DMKN: variants seen among roughly 807,000 people sequenced by gnomAD.
The protein encoded by DMKN is dermokine.
Under a neutral mutation model 67.6 loss-of-function variants are expected in DMKN, and 58 were observed. The ratio of observed to expected loss-of-function variants is 0.86; its 90% CI spans 0.69 to 1.07. DMKN has a LOEUF of 1.07. DMKN is among the 50% of genes least tolerant of loss of function. The pLI, the probability that DMKN is intolerant of heterozygous loss-of-function variation, is 0.00. For synonymous variants in DMKN, 240 were observed against 232.3 expected (o/e 1.03, Z -0.30); for missense variants, 596 against 601.5 (o/e 0.99, Z 0.10).
Position 35,506,566 on chromosome 19 carries a change from A to G in DMKN, c.1039-580T>C, listed in dbSNP as rs1420929010. ...TCCACAACACCTTGGTCTGGTGGTG[A>G]CATGGAAAGCTGTACAGTAACTGAA... On this transcript the variant is annotated intron_variant, in intron 7 of 15. Transcript: ENST00000339686. 1.3e-5 allele frequency: 6 copies of G among 476,396 alleles called. No individual in the cohort carries two copies. In the Admixed American group the frequency reaches 1.4e-4, roughly 11 times the overall value. The allele number at this position is 476,396 out of a possible 1,614,324, so 29.5% of individuals were successfully genotyped here.
intron 10 of DMKN, 108 bp downstream of exon 10, chr19:35,502,722 G>T (rs965975748): frequency 3.6e-6 from 4 of 1,106,372 alleles, no homozygotes; most frequent in Non-Finnish European, 5.5e-6. Flanking sequence ...AAAAGGGGGG[G>T]AGTTTTGAAA....
chr19:35,504,191 G>A (rs1294212801), intron 9 of DMKN, among the ~76,000 whole-genome samples: 2 of 152,112 alleles, frequency 1.3e-5, no homozygotes, highest in Non-Finnish European at 2.9e-5. Flanking sequence ...TGGCTCTCTG[G>A]GAAGTGTCTG....
intron 1 of DMKN, 63 bp from the exon 2 acceptor site, chr19:35,512,853 G>C: frequency 6.4e-7 from 1 of 1,566,918 alleles, no homozygotes; most frequent in South Asian, 1.1e-5. Context: ...GAAGAGCCAG[G>C]GCAAATCATA....
rs2071112445 is a variant in DMKN, at chr19:35,513,355, G to A, written c.121C>T (p.His41Tyr). The A allele has an allele frequency of 2.5e-6, 4 of 1,613,602 alleles. No individual in the cohort carries two copies. Among genetic ancestry groups the A allele is most frequent in the Non-Finnish European group, 3.4e-6 (4 of 1,180,048 alleles). The change falls in exon 1 of 16, where the codon CAT becomes TAT. Residue 41 changes from histidine (H) to tyrosine (Y), a missense_variant. His to Tyr is a moderately conservative substitution (Grantham distance 83, BLOSUM62 2). Transcript: ENST00000339686. ...TCGCTCAGGGCGTCTCCCAGGCCAT[G>A]TCCAAGGGCCTCCCCAATATTTGTC... ...TGTNIGEALGHGLGDALSEGV... is the reference protein window; with the variant it reads ...TGTNIGEALGYGLGDALSEGV...
At chr19:35,510,620 G>A in intron 5 of DMKN, 3 of 1,419,850 alleles carry the variant, frequency 2.1e-6, no homozygotes, top group Non-Finnish European at 1.9e-6. Flanking sequence ...AGCTGCCTTG[G>A]TCACCATTCC....
At chr19:35,510,060 G>A in intron 6 of DMKN, 99 bp from the exon 7 acceptor site, 2 of 1,579,008 alleles carry the variant, frequency 1.3e-6, no homozygotes, top group Non-Finnish European at 1.7e-6. Flanking sequence ...AGCCGCTTCC[G>A]CTCCACCTCC....
chr19:35,512,283 C>G, intron 3 of DMKN, 138 bp downstream of exon 3: 4 of 1,204,140 alleles, frequency 3.3e-6, no homozygotes, highest in Non-Finnish European at 4.6e-6. Flanking sequence ...CAGGTGTGAG[C>G]CACCTCGCCC....
Position 35,512,801 on chromosome 19 carries a change from A to C in DMKN, c.427-11T>G. 1.9e-6 allele frequency: 3 copies of C among 1,611,374 alleles called. No homozygotes were observed. Among genetic ancestry groups the C allele is most frequent in the Non-Finnish European group, 2.5e-6 (3 of 1,179,544 alleles). ...GCCTCCAGAAGTTTCCTGCAAGAAC[A>C]ACATACCTGCACTTAGTGGGACCAT... On this transcript the variant is annotated splice_polypyrimidine_tract_variant and intron_variant, in intron 1 of 15. Coordinates refer to ENST00000339686, the MANE Select transcript of DMKN (RefSeq NM_033317.5).
intron 9 of DMKN, chr19:35,503,474 GTTTTT>G (rs149163465): frequency 1.9e-5 from 28 of 1,452,800 alleles, no homozygotes; most frequent in South Asian, 3.9e-5. Flanking sequence ...GTTTTTTTTT[GTTTTT>G]TTTTTTTTTT....
At chr19:35,503,744 A>G (rs530837375) in intron 9 of DMKN, among the ~76,000 whole-genome samples, 4 of 151,970 alleles carry the variant, frequency 2.6e-5, no homozygotes, top group Non-Finnish European at 5.9e-5. Flanking sequence ...CCAAAGTGCT[A>G]GGATTACAGG....
chr19:35,504,505 G>C (rs2069053065), intron 9 of DMKN, among the ~76,000 whole-genome samples: 1 of 148,834 alleles, frequency 6.7e-6, no homozygotes, highest in Non-Finnish European at 1.5e-5. Flanking sequence ...TTGAACCCAG[G>C]AGGCAGAGGC....
intron 10 of DMKN, among the ~76,000 whole-genome samples, 171 bp from the exon 11 acceptor site, chr19:35,502,354 TATTGGTGATAAGA>T (rs1396720921): frequency 2.0e-5 from 3 of 151,740 alleles, no homozygotes; most frequent in African/African-American, 7.3e-5. Flanking sequence ...CTTGAGATGG[TATTGGTGATAAGA>T]TTTGGTGATA....
Position 35,502,129 on chromosome 19 carries a change from C to G in DMKN, c.1239+7G>C, listed in dbSNP as rs765325652. ...GTCCCAGAGCTGAGAAGTCCTGCCCCCCTTACCTCAATAATTGCTTTCCAG... is the reference window on the plus strand; with the variant it reads ...GTCCCAGAGCTGAGAAGTCCTGCCCGCCTTACCTCAATAATTGCTTTCCAG... On this transcript the variant is annotated splice_region_variant and intron_variant, in intron 11 of 15. Coordinates refer to ENST00000339686, the MANE Select transcript of DMKN (RefSeq NM_033317.5). 30 of 1,614,088 alleles carry G rather than the reference C, an allele frequency of 1.9e-5. No homozygotes were observed. The highest frequency in any genetic ancestry group is 2.3e-5 in the Non-Finnish European group (27 of 1,180,052).
chr19:35,507,317 T>G, intron 7 of DMKN: 1 of 704,004 alleles, frequency 1.4e-6, no homozygotes, highest in Non-Finnish European at 2.4e-6. Context: ...CAGAACCCTG[T>G]TTTGGTCTCT....
chr19:35,499,418 A>G (rs2067984850), intron 13 of DMKN: 1 of 179,672 alleles, frequency 5.6e-6, no homozygotes, highest in Admixed American at 5.7e-5. Context: ...TACTGATGTT[A>G]TGAGATTGCC....
At chr19:35,513,017 C>T (rs778812765) in intron 1 of DMKN, 33 bp downstream of exon 1, 3 of 1,608,766 alleles carry the variant, frequency 1.9e-6, no homozygotes, top group Admixed American at 1.7e-5. Flanking sequence ...CCCACAGCCT[C>T]CCATTTCCAC....
rs1359497010 is a variant in DMKN, at chr19:35,505,751, C to G, written c.1101G>C (p.Lys367Asn). The change falls in exon 9 of 16, where the codon AAG becomes AAC. Residue 367 changes from lysine (K) to asparagine (N), a missense_variant. Transcript: ENST00000339686. ...FDTFWKNFKS[K>N]LGFINWDAIN... ...TGGCATCCCAGTTGATGAAACCCAGCTTGGATTTAAAATTCTATGGAGGAA... is the reference window on the plus strand; with the variant it reads ...TGGCATCCCAGTTGATGAAACCCAGGTTGGATTTAAAATTCTATGGAGGAA... The G allele has an allele frequency of 6.2e-7, 1 of 1,614,106 alleles. No individual in the cohort carries two copies. Among genetic ancestry groups the G allele is most frequent in the Admixed American group, 1.7e-5 (1 of 60,008 alleles).
chr19:35,502,240 A>G, intron 10 of DMKN, 57 bp from the exon 11 acceptor site: 1 of 1,577,278 alleles, frequency 6.3e-7, no homozygotes. Flanking sequence ...GGGGTGGTCT[A>G]TGCAGCAAAT....
chr19:35,498,816 C>T (rs780222714), intron 14 of DMKN, 53 bp from the exon 15 acceptor site: 4 of 1,614,066 alleles, frequency 2.5e-6, no homozygotes, highest in Non-Finnish European at 3.4e-6. Context: ...CTTCCATACC[C>T]TCTGGCCTCA....
Sources: allele counts gnomAD v4.1 joint callset (sites outside exome capture counted in the v4.1 genomes callset), GRCh38; gene constraint gnomAD v4.1.1; transcripts MANE v1.5; gene names NCBI Gene and HGNC (gene_info 2026-07-23, HGNC 2026-07-21).